RPS6KC1: variants seen among roughly 807,000 people sequenced by gnomAD.
RPS6KC1 encodes the protein inactive ribosomal protein S6 kinase delta-1.
In RPS6KC1, 54 loss-of-function variants were observed where a neutral mutation model predicts 103.8. The ratio of observed to expected loss-of-function variants is 0.52; its 90% CI spans 0.42 to 0.65. The LOEUF (loss-of-function observed/expected upper bound fraction) is 0.65. Among genes scored for constraint, RPS6KC1 ranks in the 30% least tolerant of loss-of-function variants. RPS6KC1 has a pLI of 0.00. For synonymous variants in RPS6KC1, 439 were observed against 438.7 expected, an observed-to-expected ratio of 1.00 and a Z score of -0.01; for missense variants, 1,151 against 1,253.8, an observed-to-expected ratio of 0.92 and a Z score of 1.24.
chr1:213,288,229 A>G, the RPS6KC1 span, among the ~76,000 whole-genome samples: 3 of 152,214 alleles, frequency 2.0e-5, no homozygotes, highest in Admixed American at 6.5e-5. Flanking sequence ...TTGCTAGCTT[A>G]TCTTCCCAGA....
intron 5 of RPS6KC1, among the ~76,000 whole-genome samples, chr1:213,122,931 A>T (rs371423862): frequency 2.0e-5 from 3 of 152,272 alleles, no homozygotes; most frequent in South Asian, 4.1e-4. Context: ...ACTGATGATA[A>T]ATATTGACTC....
the RPS6KC1 span, among the ~76,000 whole-genome samples, chr1:213,582,788 A>G: frequency 3.9e-5 from 6 of 152,212 alleles, no homozygotes; most frequent in Admixed American, 6.5e-5. Flanking sequence ...TTACAATAAA[A>G]TACACTCATT....
chr1:213,343,393 A>G, the RPS6KC1 span, among the ~76,000 whole-genome samples: 617 of 4,040 alleles, frequency 0.15, 26 homozygotes, highest in African/African-American at 0.26. Context: ...TGTTGTGTGT[A>G]TATATATATA....
chr1:213,331,867 C>T, the RPS6KC1 span, among the ~76,000 whole-genome samples: 1 of 152,090 alleles, frequency 6.6e-6, no homozygotes. Flanking sequence ...CTCTCTCTGC[C>T]TGCCCAGGCT....
At chr1:213,718,356 T>A in the RPS6KC1 span, among the ~76,000 whole-genome samples, 4 of 152,218 alleles carry the variant, frequency 2.6e-5, no homozygotes, top group South Asian at 4.1e-4. Flanking sequence ...ATAACAAGTA[T>A]TGGGATAGAC....
chr1:213,631,857 G>C, the RPS6KC1 span, among the ~76,000 whole-genome samples: 1 of 152,120 alleles, frequency 6.6e-6, no homozygotes, highest in African/African-American at 2.4e-5. Flanking sequence ...AAAATTAGCT[G>C]TTTTCTTTTT....
At chr1:213,695,574 G>T in the RPS6KC1 span, among the ~76,000 whole-genome samples, 6 of 152,156 alleles carry the variant, frequency 3.9e-5, no homozygotes, top group Admixed American at 2.6e-4. Flanking sequence ...GGGAAAAAAA[G>T]AGTTTTTAAA....
chr1:213,327,226 G>GAAAGA, the RPS6KC1 span, among the ~76,000 whole-genome samples: 21 of 47,974 alleles, frequency 4.4e-4, no homozygotes, highest in Middle Eastern at 0.02. Flanking sequence ...AATGGGGAAA[G>GAAAGA]AAAGAAAAGA....
chr1:213,749,163 C>G, the RPS6KC1 span, among the ~76,000 whole-genome samples: 5 of 152,278 alleles, frequency 3.3e-5, no homozygotes, highest in Non-Finnish European at 7.4e-5. Context: ...ACACTGAGCC[C>G]ATGGAAAGCA....
intron 2 of RPS6KC1, among the ~76,000 whole-genome samples, chr1:213,075,959 G>A (rs924659840): frequency 6.6e-6 from 1 of 152,120 alleles, no homozygotes. Context: ...TACATCTACA[G>A]CACTCTTGGA....
the RPS6KC1 span, among the ~76,000 whole-genome samples, chr1:213,835,496 C>T: frequency 1.8e-4 from 27 of 152,162 alleles, no homozygotes; most frequent in Admixed American, 1.4e-3. Context: ...GAGGCTGCTG[C>T]GGAAGTCCCC....
chr1:213,602,353 C>A, the RPS6KC1 span, among the ~76,000 whole-genome samples: 1 of 149,150 alleles, frequency 6.7e-6, no homozygotes, highest in African/African-American at 2.5e-5. Flanking sequence ...CCTGTCTCAG[C>A]CTCCCGAGTA....
chr1:213,188,222 G>A (rs73091599), intron 8 of RPS6KC1, among the ~76,000 whole-genome samples: 5,518 of 152,022 alleles, frequency 0.036, 285 homozygotes, highest in African/African-American at 0.12. Context: ...GTGGGGACAA[G>A]TCTCCTGCTT....
chr1:213,115,357 TTC>T (rs1478267817), intron 4 of RPS6KC1, among the ~76,000 whole-genome samples: 5 of 152,196 alleles, frequency 3.3e-5, no homozygotes, highest in Non-Finnish European at 5.9e-5. Context: ...GTCTGTAGTA[TTC>T]TCTGATGGTA....
the RPS6KC1 span, among the ~76,000 whole-genome samples, chr1:213,526,472 T>C: frequency 6.6e-6 from 1 of 152,108 alleles, no homozygotes; most frequent in African/African-American, 2.4e-5. Flanking sequence ...GGGTGAAGCA[T>C]AGGAGGGGAG....
At chr1:213,327,772 C>A in the RPS6KC1 span, among the ~76,000 whole-genome samples, 1 of 152,162 alleles carries the variant, frequency 6.6e-6, no homozygotes, top group Admixed American at 6.5e-5. Flanking sequence ...AAGTAATTGG[C>A]AAAGTGGATT....
At chr1:213,279,804 GA>G in the RPS6KC1 span, among the ~76,000 whole-genome samples, 1 of 152,012 alleles carries the variant, frequency 6.6e-6, no homozygotes, top group Admixed American at 6.6e-5. Context: ...TTAGGAAAAT[GA>G]AAAAAATAAG....
At chr1:213,747,282 T>A in the RPS6KC1 span, among the ~76,000 whole-genome samples, 1 of 152,106 alleles carries the variant, frequency 6.6e-6, no homozygotes, top group Admixed American at 6.6e-5. Context: ...TCAAGGAAGA[T>A]GAGGACTAAG....
chr1:213,208,219 T>C (rs2093409786), intron 8 of RPS6KC1, among the ~76,000 whole-genome samples: 1 of 152,218 alleles, frequency 6.6e-6, no homozygotes, highest in Non-Finnish European at 1.5e-5. Context: ...GAAGCTTCTC[T>C]TCTGGATTCT....
Sources: allele counts gnomAD v4.1 joint callset (sites outside exome capture counted in the v4.1 genomes callset), GRCh38; gene constraint gnomAD v4.1.1; transcripts MANE v1.5; gene names NCBI Gene and HGNC (gene_info 2026-07-23, HGNC 2026-07-21).